The following FNBP4 variants were observed in gnomAD, a reference collection of about 807,000 sequenced individuals.
FNBP4 encodes formin-binding protein 4.
A neutral mutation model predicts 119.3 loss-of-function variants in FNBP4; 34 were observed. The observed-to-expected ratio is 0.28, with a 90% confidence interval of 0.22 to 0.38. FNBP4 has a LOEUF of 0.38. FNBP4 is among the 10% of genes least tolerant of loss of function. The pLI, the probability that FNBP4 is intolerant of heterozygous loss-of-function variation, is 1.00. For synonymous variants in FNBP4, 462 were observed against 430.6 expected (o/e 1.07, Z -0.90); for missense variants, 1,112 against 1,228.9 (o/e 0.90, Z 1.42).
At position 47,754,664 on chromosome 11, in the gene FNBP4, C is replaced by T; in HGVS notation, c.314G>A (p.Gly105Asp). Reference sequence around the variant, plus strand: ...ATAAGCACCAAGCAAGCATAGACCGCCTAGAAACAAAAAGGTAAACAGTAT... The same window carrying T: ...ATAAGCACCAAGCAAGCATAGACCGTCTAGAAACAAAAAGGTAAACAGTAT... ...TTRPTAVKAT[G>D]GLCLLGAYAD... Residue 105 changes from glycine to aspartate, a missense_variant and splice_region_variant, in exon 3 of 17, where the codon GGC (glycine) becomes GAC (aspartate). Coordinates refer to ENST00000263773, the MANE Select transcript of FNBP4 (RefSeq NM_015308.5). 1.9e-6 allele frequency: 3 copies of T among 1,610,080 alleles called. No individual in the cohort carries two copies. Among genetic ancestry groups the T allele is most frequent in the Non-Finnish European group, 2.5e-6 (3 of 1,178,962 alleles).
Position 47,734,077 on chromosome 11 carries a change from C to T in FNBP4, c.1634G>A (p.Gly545Asp). Residue 545 changes from glycine to aspartate, a missense_variant, in exon 10 of 17, where the codon GGC (glycine) becomes GAC (aspartate). Coordinates refer to ENST00000263773, the MANE Select transcript of FNBP4 (RefSeq NM_015308.5). ...GTTGGAGATGGATTGTCTATTAATG[C>T]CTAGAAACTCGAATTTACTTGTCAG... is the stretch of plus-strand genomic sequence containing the variant. ...NTLTSKFEFL[G>D]INRQSISNFH... 6.3e-7 allele frequency: 1 copy of T among 1,597,320 alleles called. No homozygotes were observed. The highest frequency in any genetic ancestry group is 1.1e-5 in the South Asian group (1 of 87,378).
intron 5 of FNBP4, 29 bp downstream of exon 5, chr11:47,751,114 G>A (rs369180868): frequency 3.2e-5 from 52 of 1,613,402 alleles, no homozygotes; most frequent in Admixed American, 6.7e-5. Flanking sequence ...TTTCCTTCTA[G>A]GCAATTTCAC....
At chr11:47,743,892 C>T (rs1242176380) in intron 8 of FNBP4, 61 bp downstream of exon 8, 1 of 1,461,692 alleles carries the variant, frequency 6.8e-7, no homozygotes, top group South Asian at 1.2e-5. Context: ...CAAAAAAAGA[C>T]AAGAGTTTCC....
intron 8 of FNBP4, among the ~76,000 whole-genome samples, chr11:47,743,501 A>G (rs1301152055): frequency 3.9e-5 from 6 of 152,162 alleles, no homozygotes; most frequent in Non-Finnish European, 7.3e-5. Context: ...AAAAGAAAAA[A>G]AAATAATTAG....
chr11:47,724,093 A>C lies in FNBP4; in HGVS notation c.2399T>G (p.Val800Gly). 2 of 1,614,176 alleles carry C rather than the reference A, an allele frequency of 1.2e-6. No individual in the cohort carries two copies. Among genetic ancestry groups the C allele is most frequent in the Non-Finnish European group, 1.7e-6 (2 of 1,180,004 alleles). ...KRKATEISTA[V>G]VQRSATIGSS... The stretch of plus-strand genomic sequence containing the variant: ...GCCAATGGTAGCTGACCTCTGAACC[A>C]CTGCAGTGCTAATTTCTGTAGCTTT... The change falls in exon 14 of 17, where the codon GTG (valine) becomes GGG (glycine). Residue 800 changes from valine (V) to glycine (G), a missense_variant. Physicochemically the swap from Val to Gly is moderately radical, Grantham distance 109. This residue lies in a region of FNBP4 where 826 missense variants were observed against 988.8 expected (regional missense o/e 0.84). Transcript: ENST00000263773.
intron 1 of FNBP4, among the ~76,000 whole-genome samples, chr11:47,765,630 C>G (rs1357584741): frequency 2.0e-5 from 2 of 101,596 alleles, no homozygotes; most frequent in African/African-American, 8.2e-5. Flanking sequence ...CATGGTGAAA[C>G]TCCATCTCTA....
intron 7 of FNBP4, 107 bp from the exon 8 acceptor site, chr11:47,744,270 A>T: frequency 8.9e-7 from 1 of 1,118,220 alleles, no homozygotes. Context: ...CTTTGAGAAC[A>T]GAAAGCACTT....
In FNBP4 at chr11:47,746,663, C is replaced by T. The variant is rs112842814; in HGVS notation, c.907-269G>A. Among the ~76,000 whole-genome samples the T allele has an allele frequency of 5.7e-3, 860 of 152,006 alleles. 5 individuals are homozygous for T. The highest frequency in any genetic ancestry group is 0.019 in the African/African-American group (808 of 41,470). On this transcript the variant is annotated intron_variant, in intron 6 of 16. Coordinates refer to ENST00000263773, the MANE Select transcript of FNBP4 (RefSeq NM_015308.5). ...CCAAGTAGCTGGGATTACAGGCGCC[C>T]GCCACCATGCCCAGCTAATTTTTTG...
At chr11:47,731,917 A>C in intron 11 of FNBP4, 1 of 1,010,062 alleles carries the variant, frequency 9.9e-7, no homozygotes, top group Non-Finnish European at 1.2e-6. Flanking sequence ...CTTCCAAAGA[A>C]GAGAACAACG....
rs759110657 is a variant in FNBP4, at chr11:47,723,036, T to TGGAGGA, written c.2739_2744dup (p.Pro917_Pro918dup). On this transcript the variant is annotated inframe_insertion, in exon 15 of 17. Coordinates refer to ENST00000263773, the MANE Select transcript of FNBP4 (RefSeq NM_015308.5). Reference sequence around the variant, plus strand: ...GTGGCATTTTGGGAGCTGGTGGTGGTGGAGGAGGAGGAGGAGGAGGTGGTG... The same window carrying TGGAGGA: ...GTGGCATTTTGGGAGCTGGTGGTGGTGGAGGAGGAGGAGGAGGAGGAGGAGGTGGTG... 1.1e-5 allele frequency: 17 copies of TGGAGGA among 1,566,746 alleles called. No homozygotes were observed. The highest frequency in any genetic ancestry group is 1.4e-5 in the Non-Finnish European group (16 of 1,154,732).
chr11:47,766,658 C>T (rs2097648283), intron 1 of FNBP4, among the ~76,000 whole-genome samples: 1 of 152,256 alleles, frequency 6.6e-6, no homozygotes, highest in Non-Finnish European at 1.5e-5. Flanking sequence ...ACGTCTCTAT[C>T]CCCGTTTCGA....
At chr11:47,722,594 C>T in intron 15 of FNBP4, among the ~76,000 whole-genome samples, 1 of 150,980 alleles carries the variant, frequency 6.6e-6, no homozygotes. Context: ...ATTTCAATTT[C>T]TTTTTTCTTT....
At chr11:47,717,558 C>T in intron 16 of FNBP4, 46 bp from the exon 17 acceptor site, 1 of 1,311,384 alleles carries the variant, frequency 7.6e-7, no homozygotes, top group Non-Finnish European at 1.1e-6. Flanking sequence ...GAAAAATTAA[C>T]AAAAGTATTC....
At chr11:47,725,734 T>C in intron 12 of FNBP4, 3 of 945,432 alleles carry the variant, frequency 3.2e-6, no homozygotes, top group Non-Finnish European at 3.8e-6. Context: ...AGGATATACT[T>C]ACTTGTAGCC....
chr11:47,755,239 CAGG>C (rs2097614335), intron 2 of FNBP4, among the ~76,000 whole-genome samples: 1 of 151,732 alleles, frequency 6.6e-6, no homozygotes, highest in Non-Finnish European at 1.5e-5. Flanking sequence ...CACCTGAAGT[CAGG>C]AGTTCAAGAC....
intron 12 of FNBP4, chr11:47,729,591 C>T (rs890785628): frequency 1.1e-6 from 1 of 944,526 alleles, no homozygotes; most frequent in Non-Finnish European, 1.3e-6. Context: ...CTTACTGCAG[C>T]CTCAAAATCT....
At chr11:47,728,390 C>T (rs1422001812) in intron 12 of FNBP4, among the ~76,000 whole-genome samples, 1 of 151,884 alleles carries the variant, frequency 6.6e-6, no homozygotes, top group Non-Finnish European at 1.5e-5. Flanking sequence ...GCTGGGATTA[C>T]AGGCACCCGC....
chr11:47,763,127 C>T (rs2097639506), intron 2 of FNBP4, among the ~76,000 whole-genome samples: 1 of 151,960 alleles, frequency 6.6e-6, no homozygotes, highest in African/African-American at 2.4e-5. Flanking sequence ...ATCACTTAAA[C>T]CCTAGAGTTG....
intron 6 of FNBP4, among the ~76,000 whole-genome samples, chr11:47,750,380 T>G (rs1160870589): frequency 2.7e-3 from 2 of 748 alleles, no homozygotes; most frequent in Admixed American, 0.045. Flanking sequence ...AGACTCCATA[T>G]CAAAAAAAAA....
Sources: allele counts gnomAD v4.1 joint callset (sites outside exome capture counted in the v4.1 genomes callset), GRCh38; gene constraint gnomAD v4.1.1; regional missense constraint gnomAD v4.1.1; transcripts MANE v1.5; gene names NCBI Gene and HGNC (gene_info 2026-07-23, HGNC 2026-07-21).